DSE: variants seen among roughly 807,000 people sequenced by gnomAD.
DSE encodes dermatan sulfate epimerase.
DSE carries 36 observed loss-of-function variants against 84.4 expected under a neutral mutation model. That is an observed-to-expected ratio of 0.43 (90% CI 0.33 to 0.56). The LOEUF (loss-of-function observed/expected upper bound fraction) is 0.56. Ranked by LOEUF, DSE falls within the 20% of genes least tolerant of loss-of-function variation. DSE has a pLI of 0.06. For missense variants in DSE, 862 were observed against 1,169.6 expected (o/e 0.74, Z 3.84); for synonymous variants, 410 against 430.1 (o/e 0.95, Z 0.58).
chr6:116,298,146 C>T (rs1460240185), intron 2 of DSE, among the ~76,000 whole-genome samples: 1 of 152,098 alleles, frequency 6.6e-6, no homozygotes, highest in African/African-American at 2.4e-5. Flanking sequence ...GAGTTAATGC[C>T]AGTACCAAAT....
At chr6:116,308,316 C>T (rs1053777149) in intron 2 of DSE, among the ~76,000 whole-genome samples, 1 of 152,090 alleles carries the variant, frequency 6.6e-6, no homozygotes, top group Non-Finnish European at 1.5e-5. Context: ...TTTTTAAGCT[C>T]GGCTTCAATC....
At chr6:116,406,051 A>G (rs111943445) in intron 2 of DSE, among the ~76,000 whole-genome samples, 1 of 152,240 alleles carries the variant, frequency 6.6e-6, no homozygotes, top group Non-Finnish European at 1.5e-5. Context: ...TAAATCATAC[A>G]TGATTGAAAG....
In DSE at chr6:116,439,568, T is replaced by A. The variant is rs563019674; in HGVS notation, c.*2223T>A. ...TCTTCATAATGAAACATGTTTTTTT[T>A]AATCAGGGATAGTGCATATTTGAGT... On this transcript the variant is annotated 3_prime_UTR_variant, in exon 6 of 6. Coordinates refer to ENST00000644252, the MANE Select transcript of DSE (RefSeq NM_013352.4). The A allele has an allele frequency of 2.0e-5, 3 of 152,132 alleles. No homozygotes were observed. Among genetic ancestry groups the A allele is most frequent in the African/African-American group, 2.4e-5 (1 of 41,436 alleles). The allele number at this position is 152,132 out of a possible 1,614,324, so 9.4% of individuals were successfully genotyped here. A position where few individuals can be genotyped will look rare whatever the true frequency, so the allele number is the denominator to read the frequency against.
chr6:116,410,054 A>G (rs142766116), intron 2 of DSE, among the ~76,000 whole-genome samples: 27 of 152,292 alleles, frequency 1.8e-4, no homozygotes, highest in African/African-American at 6.3e-4. Context: ...AGGAGCTTGG[A>G]CTTTTTTTTA....
intron 2 of DSE, among the ~76,000 whole-genome samples, chr6:116,340,154 C>A (rs1302365021): frequency 6.6e-6 from 1 of 152,092 alleles, no homozygotes; most frequent in Non-Finnish European, 1.5e-5. Context: ...GCTTCTTGAA[C>A]CTGCAGATTA....
At chr6:116,383,912 T>C (rs140426099) in intron 1 of DSE, among the ~76,000 whole-genome samples, 565 of 152,344 alleles carry the variant, frequency 3.7e-3, no homozygotes, top group Non-Finnish European at 6.3e-3. Context: ...TTCATAGACT[T>C]AAATATACAC....
chr6:116,353,559 G>A (rs1326829781), intron 2 of DSE, among the ~76,000 whole-genome samples: 1 of 152,122 alleles, frequency 6.6e-6, no homozygotes, highest in Admixed American at 6.6e-5. Flanking sequence ...CTAGCATTGT[G>A]TCCAACACTT....
upstream of DSE, chr6:116,370,195 T>TCA: frequency 6.7e-6 from 2 of 298,824 alleles, no homozygotes; most frequent in South Asian, 3.0e-5. Flanking sequence ...GATCTCTCTC[T>TCA]CTCACACACA....
At chr6:116,348,155 C>T (rs564454837) in intron 2 of DSE, among the ~76,000 whole-genome samples, 173 of 152,200 alleles carry the variant, frequency 1.1e-3, no homozygotes, top group Non-Finnish European at 1.9e-3. Flanking sequence ...AGGCTGGGCA[C>T]GGTGGCTCAC....
At chr6:116,299,479 T>C (rs1774860537) in intron 2 of DSE, among the ~76,000 whole-genome samples, 1 of 143,320 alleles carries the variant, frequency 7.0e-6, no homozygotes, top group African/African-American at 2.6e-5. Flanking sequence ...TAAATTCTCA[T>C]CCTGAAAGGC....
intron 2 of DSE, among the ~76,000 whole-genome samples, chr6:116,346,549 G>A (rs1777982258): frequency 6.6e-6 from 1 of 152,222 alleles, no homozygotes; most frequent in Middle Eastern, 3.4e-3. Context: ...TGCAGAAAAG[G>A]CCTTTGACAA....
At chr6:116,335,912 G>T (rs1299546151) in intron 2 of DSE, among the ~76,000 whole-genome samples, 1 of 152,198 alleles carries the variant, frequency 6.6e-6, no homozygotes, top group Non-Finnish European at 1.5e-5. Context: ...CTTCCTTAAA[G>T]TTCAGTTTGA....
chr6:116,278,375 C>T (rs1013512558), intron 2 of DSE: 2 of 1,055,668 alleles, frequency 1.9e-6, no homozygotes, highest in Non-Finnish European at 2.8e-6. Context: ...GTTGAGAGAA[C>T]TGAATATCCA....
chr6:116,347,076 C>G (rs1456858810), intron 2 of DSE, among the ~76,000 whole-genome samples: 7 of 152,110 alleles, frequency 4.6e-5, no homozygotes, highest in African/African-American at 1.4e-4. Flanking sequence ...ATGTGAAGGA[C>G]TTCTTATGGA....
chr6:116,264,442 T>A (rs1772536796), intron 2 of DSE, among the ~76,000 whole-genome samples: 1 of 152,136 alleles, frequency 6.6e-6, no homozygotes, highest in Non-Finnish European at 1.5e-5. Context: ...TCGGCTACAG[T>A]CTTTTCTATA....
intron 2 of DSE, among the ~76,000 whole-genome samples, chr6:116,414,704 G>A (rs951628710): frequency 7.9e-5 from 12 of 152,192 alleles, no homozygotes; most frequent in Non-Finnish European, 1.6e-4. Context: ...GAGCCACCAC[G>A]CCCAGCCTGT....
chr6:116,375,583 T>G, intron 1 of DSE: 1 of 981,128 alleles, frequency 1.0e-6, no homozygotes, highest in Non-Finnish European at 1.2e-6. Context: ...AACTTCTAGT[T>G]ATGTATAGAA....
At chr6:116,258,106 C>T (rs1772221758) in intron 1 of DSE, among the ~76,000 whole-genome samples, 1 of 152,166 alleles carries the variant, frequency 6.6e-6, no homozygotes, top group Non-Finnish European at 1.5e-5. Flanking sequence ...GCAACCTCCA[C>T]CTCCTGGGTT....
chr6:116,295,795 A>G (rs1044611247), intron 2 of DSE, among the ~76,000 whole-genome samples: 19 of 152,202 alleles, frequency 1.2e-4, no homozygotes, highest in African/African-American at 2.9e-4. Context: ...TAAGCATAAC[A>G]TTATCATAGA....
Sources: gnomAD v4.1 joint callset for allele counts (sites outside exome capture counted in the v4.1 genomes callset) on GRCh38, gnomAD v4.1.1 for gene constraint, MANE v1.5 for transcripts, NCBI Gene and HGNC (gene_info 2026-07-23, HGNC 2026-07-21) for gene names.